KCNMA1: variants seen among roughly 807,000 people sequenced by gnomAD.
The protein encoded by KCNMA1 is Calcium-activated potassium channel subunit alpha-1.
In KCNMA1, 29 loss-of-function variants were observed where a neutral mutation model predicts 140.0. That is an observed-to-expected ratio of 0.21 (90% confidence interval 0.15 to 0.28). The LOEUF (loss-of-function observed/expected upper bound fraction) is 0.28. Among genes scored for constraint, KCNMA1 ranks in the 10% least tolerant of loss-of-function variants. The pLI is 1.00. For synonymous variants in KCNMA1, 612 were observed against 611.9 expected (o/e 1.00, Z 0.00); for missense variants, 880 against 1,602.2 (o/e 0.55, Z 7.70).
intron 5 of KCNMA1, among the ~76,000 whole-genome samples, chr10:77,172,123 A>G (rs936498104): frequency 3.9e-5 from 6 of 152,168 alleles, no homozygotes; most frequent in Admixed American, 6.5e-5. Context: ...AGGTCAATCC[A>G]TTATGGCCCT....
intron 1 of KCNMA1, among the ~76,000 whole-genome samples, chr10:77,544,066 C>A (rs1472689631): frequency 6.6e-6 from 1 of 151,752 alleles, no homozygotes; most frequent in Non-Finnish European, 1.5e-5. Context: ...TACGTTAATA[C>A]TCTTTGTTAA....
At chr10:77,040,945 T>G (rs2094632776) in intron 14 of KCNMA1, among the ~76,000 whole-genome samples, 1 of 152,226 alleles carries the variant, frequency 6.6e-6, no homozygotes, top group Non-Finnish European at 1.5e-5. Flanking sequence ...ACCCTCTTCA[T>G]GCTAGGCATC....
exon 28 of KCNMA1, chr10:76,870,797 C>A (rs759211588): frequency 5.6e-4 from 85 of 152,266 alleles, no homozygotes; most frequent in Non-Finnish European, 1.0e-3. Flanking sequence ...CGAGTGACTG[C>A]CCACGTGGGC....
intron 2 of KCNMA1, among the ~76,000 whole-genome samples, chr10:77,306,530 C>A (rs531511157): frequency 2.6e-5 from 4 of 152,314 alleles, no homozygotes; most frequent in African/African-American, 9.6e-5. Context: ...GACAAAAATT[C>A]TGGGTCAGAC....
intron 3 of KCNMA1, among the ~76,000 whole-genome samples, chr10:77,203,100 G>A (rs1243621427): frequency 1.3e-5 from 2 of 152,318 alleles, no homozygotes; most frequent in East Asian, 3.9e-4. Context: ...AAGTCTGGAA[G>A]TACCATCTTT....
intron 20 of KCNMA1, among the ~76,000 whole-genome samples, chr10:76,964,309 G>A (rs185641212): frequency 2.3e-4 from 35 of 152,228 alleles, no homozygotes; most frequent in African/African-American, 8.4e-4. Flanking sequence ...GTTATCTAGT[G>A]TTAGGCAGCC....
chr10:77,394,533 A>G (rs1485488227), intron 2 of KCNMA1, among the ~76,000 whole-genome samples: 1 of 152,190 alleles, frequency 6.6e-6, no homozygotes, highest in Non-Finnish European at 1.5e-5. Flanking sequence ...GAGAAACTCA[A>G]GGAATGATGC....
rs192479074 is a variant in KCNMA1, at chr10:76,938,655, A to T, written c.2902+6118T>A. Among the ~76,000 whole-genome samples, 97 of 152,280 alleles carry T rather than the reference A, an allele frequency of 6.4e-4. 1 individual carries two copies. The East Asian group carries it at 0.015, about 23-fold the overall frequency. ...GCTTCCTAACTCATAAACACATAAA[A>T]AATTATTTACAGCTTCCTAACTCAA... On this transcript the variant is annotated intron_variant, in intron 23 of 27. Transcript: ENST00000286628.
At position 77,637,472 on chromosome 10, in the gene KCNMA1, G is replaced by GGAGGAAGAGGAGGAGGAAGAAGAAGAA; in HGVS notation, c.144_170dup (p.Ser52_Ser60dup). On this transcript the variant is annotated inframe_insertion, in exon 1 of 28. Coordinates refer to ENST00000286628, the MANE Select transcript of KCNMA1 (RefSeq NM_001161352.2). ...TCTTGGGCTCGTGGACCGAGGACGA[G>GGAGGAAGAGGAGGAGGAAGAAGAAGAA]GAGGAAGAGGAGGAGGAAGAAGAAG... 1 of 1,603,024 alleles carries GGAGGAAGAGGAGGAGGAAGAAGAAGAA rather than the reference G, an allele frequency of 6.2e-7. No homozygotes were observed. Among genetic ancestry groups the GGAGGAAGAGGAGGAGGAAGAAGAAGAA allele is most frequent in the Middle Eastern group, 1.7e-4 (1 of 6,046 alleles).
chr10:77,533,201 G>A (rs1387342835), intron 1 of KCNMA1, among the ~76,000 whole-genome samples: 1 of 152,124 alleles, frequency 6.6e-6, no homozygotes, highest in Non-Finnish European at 1.5e-5. Flanking sequence ...AACATGCCCA[G>A]TGTTGAGACA....
chr10:77,172,530 T>C (rs922300066), intron 5 of KCNMA1, among the ~76,000 whole-genome samples: 2 of 152,124 alleles, frequency 1.3e-5, no homozygotes, highest in East Asian at 3.9e-4. Context: ...ATGAGCTCCC[T>C]GAAATACATC....
intron 2 of KCNMA1, among the ~76,000 whole-genome samples, chr10:77,304,999 T>A (rs1023924451): frequency 1.3e-5 from 2 of 152,198 alleles, no homozygotes; most frequent in Non-Finnish European, 2.9e-5. Flanking sequence ...GAGAGCTTGT[T>A]AAAATTTTGA....
chr10:77,111,744 C>T (rs538443534), intron 7 of KCNMA1, among the ~76,000 whole-genome samples: 137 of 152,272 alleles, frequency 9.0e-4, no homozygotes, highest in Non-Finnish European at 1.3e-3. Context: ...CAGAGCTAGA[C>T]GAGGCTCCTT....
At chr10:77,071,109 C>T (rs762345460) in intron 14 of KCNMA1, 1 of 152,222 alleles carries the variant, frequency 6.6e-6, no homozygotes, top group Non-Finnish European at 1.5e-5. Flanking sequence ...TAAATAGGAA[C>T]TTGGCAATGG....
rs1359859304 is a variant in KCNMA1 at position 76,885,442 on chromosome 10, CT to C, written c.*1823del. On this transcript the variant is annotated 3_prime_UTR_variant, in exon 28 of 28. Coordinates refer to ENST00000286628, the MANE Select transcript of KCNMA1 (RefSeq NM_001161352.2). ...TTTGGTGTGGGGGAGGGTGGAGGTT[CT>C]GACTGAGCCTCACCATTTGTCAGTA... is the stretch of plus-strand genomic sequence containing the variant. 3.0e-6 allele frequency: 3 copies of C among 985,078 alleles called. No individual in the cohort carries two copies. The highest frequency in any genetic ancestry group is 3.6e-6 in the Non-Finnish European group (3 of 829,908). The allele number at this position is 985,078 out of a possible 1,614,324, so 61.0% of individuals were successfully genotyped here.
chr10:77,443,064 C>T (rs189219013), intron 1 of KCNMA1, among the ~76,000 whole-genome samples: 99 of 152,304 alleles, frequency 6.5e-4, no homozygotes, highest in Non-Finnish European at 8.7e-4. Flanking sequence ...GTGACACCCA[C>T]GATCCAGGGT....
At chr10:76,941,055 G>GAAAGAA (rs1565060296) in intron 23 of KCNMA1, among the ~76,000 whole-genome samples, 25 of 58,370 alleles carry the variant, frequency 4.3e-4, no homozygotes, top group African/African-American at 1.0e-3. Context: ...GAAAGAAAGA[G>GAAAGAA]AAAGAAAGAA....
chr10:77,093,295 T>C (rs1024806890), intron 9 of KCNMA1, among the ~76,000 whole-genome samples: 2 of 152,218 alleles, frequency 1.3e-5, no homozygotes, highest in Non-Finnish European at 2.9e-5. Context: ...TGAAAGCAGA[T>C]TGCCTTTTTG....
chr10:76,955,759 AG>A (rs1200192572), intron 20 of KCNMA1, among the ~76,000 whole-genome samples: 3 of 152,226 alleles, frequency 2.0e-5, no homozygotes, highest in Admixed American at 6.5e-5. Context: ...AGTCTTTAAC[AG>A]TTGCATAGAT....
Sources: gnomAD v4.1 joint callset for allele counts (sites outside exome capture counted in the v4.1 genomes callset) on GRCh38, gnomAD v4.1.1 for gene constraint, MANE v1.5 for transcripts, NCBI Gene and HGNC (gene_info 2026-07-23, HGNC 2026-07-21) for gene names.